Variants in TMEM63A observed in about 807,000 individuals in gnomAD.
TMEM63A encodes mechanosensitive cation channel TMEM63A.
A neutral mutation model predicts 100.6 loss-of-function variants in TMEM63A; 76 were observed. That is an observed-to-expected ratio of 0.76 (90% CI 0.63 to 0.91). TMEM63A has a LOEUF of 0.91. Among genes scored for constraint, TMEM63A ranks in the 40% least tolerant of loss-of-function variants. The probability of loss-of-function intolerance (pLI) is 0.00; values close to 1 mark genes in which losing one functional copy is unlikely to be tolerated. For missense variants in TMEM63A, 876 were observed against 1,008.8 expected, an observed-to-expected ratio of 0.87 and a Z score of 1.78; for synonymous variants, 401 against 401.1, an observed-to-expected ratio of 1.00 and a Z score of 0.00.
intron 15 of TMEM63A, 145 bp downstream of exon 15, chr1:225,859,051 T>C: frequency 8.4e-7 from 1 of 1,190,124 alleles, no homozygotes; most frequent in Non-Finnish European, 1.2e-6. Flanking sequence ...GCTCAGGGCT[T>C]AAAAGCAAGG....
At chr1:225,856,542 T>G in intron 17 of TMEM63A, 110 bp downstream of exon 17, 3 of 1,068,232 alleles carry the variant, frequency 2.8e-6, no homozygotes, top group Non-Finnish European at 2.8e-6. Context: ...CAGGCTTAGA[T>G]ATTGTTAGAG....
intron 6 of TMEM63A, among the ~76,000 whole-genome samples, chr1:225,870,449 C>G (rs936351673): frequency 1.1e-4 from 17 of 152,146 alleles, no homozygotes; most frequent in East Asian, 9.7e-4. Flanking sequence ...TCCCCGCCCC[C>G]CCCCGCCTCC....
At chr1:225,861,253 A>G (rs1434191418) in intron 13 of TMEM63A, 2 of 325,754 alleles carry the variant, frequency 6.1e-6, no homozygotes, top group Non-Finnish European at 1.1e-5. Context: ...TGAGGGCAAC[A>G]CACTGCTCTT....
intron 15 of TMEM63A, among the ~76,000 whole-genome samples, chr1:225,858,286 G>T (rs1170370083): frequency 6.7e-6 from 1 of 148,632 alleles, no homozygotes; most frequent in Non-Finnish European, 1.5e-5. Flanking sequence ...TAAGATTTTT[G>T]AAAATCGTTC....
In TMEM63A at chr1:225,876,528, T is replaced by C. The variant is rs565409350; in HGVS notation, c.186+867A>G. Among the ~76,000 whole-genome samples the C allele has an allele frequency of 5.9e-5, 9 of 152,228 alleles. 1 individual carries two copies. Among genetic ancestry groups the C allele is most frequent in the African/African-American group, 1.2e-4 (5 of 41,464 alleles). ...CCCAATAAATCTCAGCCAGCCAACG[T>C]TGAGTCTGCATAAGGAAGAACAATG... is the stretch of plus-strand genomic sequence containing the variant. On this transcript the variant is annotated intron_variant, in intron 3 of 24. Transcript: ENST00000366835.
rs1057124254 is a variant in TMEM63A, at chr1:225,862,253, G to A, written c.1050C>T (p.Ala350=). 5.0e-6 allele frequency: 8 copies of A among 1,614,164 alleles called. No homozygotes were observed. Among genetic ancestry groups the A allele is most frequent in the Non-Finnish European group, 5.9e-6 (7 of 1,180,028 alleles). Residue 350 remains alanine (A), a synonymous_variant, in exon 13 of 25, where the codon GCC becomes GCT. Coordinates refer to ENST00000366835, the MANE Select transcript of TMEM63A (RefSeq NM_014698.3). The surrounding 1 kb of genome is among the most constrained non-coding windows in gnomAD (Gnocchi z 5.1). The part of the protein sequence containing the change: ...RHVQDQPLGM[A]FVTFQEKSMA... The stretch of plus-strand genomic sequence containing the variant: ...TGGACTTCTCCTGGAAGGTGACGAA[G>A]GCCATTCCCAGGGGCTGGTCCTGGA...
Position 225,865,876 on chromosome 1 carries a change from C to A in TMEM63A, c.746+21G>T. On this transcript the variant is annotated intron_variant, in intron 10 of 24. Coordinates refer to ENST00000366835, the MANE Select transcript of TMEM63A (RefSeq NM_014698.3). The surrounding 1 kb of genome is among the most constrained non-coding windows in gnomAD (Gnocchi z 4.6). The stretch of plus-strand genomic sequence containing the variant: ...TCCTACGTGGAGGGGGCTCAGCTCC[C>A]CTCCCACCCCACCTGCTTACCGGAA... The A allele has an allele frequency of 6.2e-7, 1 of 1,613,106 alleles. No individual in the cohort carries two copies. Among genetic ancestry groups the A allele is most frequent in the South Asian group, 1.1e-5 (1 of 90,950 alleles).
Position 225,859,678 on chromosome 1 carries a change from CTCAG to C in TMEM63A, c.1224-333_1224-330del, listed in dbSNP as rs1295045851. 13 of 295,958 alleles carry C rather than the reference CTCAG, an allele frequency of 4.4e-5. 1 individual carries two copies. The East Asian group carries it at 1.1e-3, about 25-fold the overall frequency. 18.3% of individuals were successfully genotyped at this position (295,958 alleles called of 1,614,324 possible). ...TTTTTTTTTTGGAGACAGAGTCTTG[CTCAG>C]TCACCCAGGCTAGAGTGCAGTGGTG... On this transcript the variant is annotated intron_variant, in intron 14 of 24. Coordinates refer to ENST00000366835, the MANE Select transcript of TMEM63A (RefSeq NM_014698.3).
At position 225,853,910 on chromosome 1, in the gene TMEM63A, T is replaced by G; in HGVS notation, c.1635-119A>C. On this transcript the variant is annotated intron_variant, in intron 18 of 24. Transcript: ENST00000366835. This position sits in a 1 kb window ranked among gnomAD's most constrained non-coding sequence, Gnocchi z 4.0. ...GAGGGCTGTATACTCTTCCGTTCATTCAGCACATATTTGGGAAACACATCT... is the reference window on the plus strand; with the variant it reads ...GAGGGCTGTATACTCTTCCGTTCATGCAGCACATATTTGGGAAACACATCT... 1.0e-6 allele frequency: 1 copy of G among 1,003,778 alleles called. No individual in the cohort carries two copies. The highest frequency in any genetic ancestry group is 1.9e-5 in the South Asian group (1 of 53,256). 62.2% of individuals were successfully genotyped at this position (1,003,778 alleles called of 1,614,324 possible).
chr1:225,856,900 C>T lies in TMEM63A; in HGVS notation c.1484+11G>A, dbSNP rs773857613. On this transcript the variant is annotated intron_variant, in intron 16 of 24. Transcript: ENST00000366835. ...CTTAGGGGCAGGGCCTCGGGGCTCC[C>T]GGGCACTCACTTGGTCCAGTGAGAC... 3.1e-6 allele frequency: 5 copies of T among 1,608,890 alleles called. No individual in the cohort carries two copies. Among genetic ancestry groups the T allele is most frequent in the South Asian group, 2.2e-5 (2 of 90,402 alleles).
intron 10 of TMEM63A, chr1:225,863,244 G>A (rs1040608701): frequency 2.1e-5 from 5 of 235,378 alleles, no homozygotes; most frequent in South Asian, 5.6e-5. Context: ...ACGGGGTCTC[G>A]CTATGTTGCC....
chr1:225,872,536 A>C (rs1286936451), intron 4 of TMEM63A, among the ~76,000 whole-genome samples: 2 of 152,210 alleles, frequency 1.3e-5, no homozygotes, highest in Non-Finnish European at 2.9e-5. Context: ...AGAGATGAGA[A>C]AATGTCAAAA....
In TMEM63A at chr1:225,878,523, C is replaced by T. The variant is rs187956824; in HGVS notation, c.-15+697G>A. Among the ~76,000 whole-genome samples, 4 of 152,266 alleles carry T rather than the reference C, an allele frequency of 2.6e-5. No homozygotes were observed. The East Asian group carries it at 7.7e-4, about 29-fold the overall frequency. On this transcript the variant is annotated intron_variant, in intron 2 of 24. Coordinates refer to ENST00000366835, the MANE Select transcript of TMEM63A (RefSeq NM_014698.3). ...CCTTTCCTTCCTGAGGCTCCTGGCG[C>T]CCCTGGTGAAGCTAATAGAAATCTC...
intron 23 of TMEM63A, chr1:225,848,240 A>G (rs1419794647): frequency 4.1e-5 from 22 of 534,262 alleles, no homozygotes; most frequent in Non-Finnish European, 5.3e-5. Context: ...AAGGAAAGAG[A>G]GCAGGGAACT....
intron 17 of TMEM63A, 25 bp from the exon 18 acceptor site, chr1:225,855,965 G>A (rs1669591681): frequency 1.2e-6 from 2 of 1,611,436 alleles, no homozygotes; most frequent in East Asian, 4.5e-5. Flanking sequence ...AACCCCCTAA[G>A]AGTTTATTTC....
intron 1 of TMEM63A, among the ~76,000 whole-genome samples, chr1:225,881,490 G>C: frequency 6.6e-6 from 1 of 152,194 alleles, no homozygotes; most frequent in East Asian, 1.9e-4. Flanking sequence ...AGAGCCCAAC[G>C]AACAGCTAGG....
chr1:225,862,354 G>T lies in TMEM63A; in HGVS notation c.952-3C>A. ...GTGTAGTAAGAGATGGCGTCTTCCT[G>T]CCACAAGACACATCCCATTGGGATG... On this transcript the variant is annotated splice_region_variant and splice_polypyrimidine_tract_variant and intron_variant, in intron 12 of 24. Transcript: ENST00000366835. The surrounding 1 kb of genome is among the most constrained non-coding windows in gnomAD (Gnocchi z 5.1). 6.2e-7 allele frequency: 1 copy of T among 1,614,178 alleles called. No individual in the cohort carries two copies. The highest frequency in any genetic ancestry group is 8.5e-7 in the Non-Finnish European group (1 of 1,180,028).
At chr1:225,845,402 T>C (rs1668888187), downstream of TMEM63A, 3 of 1,517,016 alleles carry the variant, frequency 2.0e-6, no homozygotes, top group Non-Finnish European at 2.7e-6. Flanking sequence ...TCCAGGCTTT[T>C]CTTGGGGAAG....
downstream of TMEM63A, chr1:225,844,365 C>G (rs1668725878): frequency 7.2e-7 from 1 of 1,394,710 alleles, no homozygotes; most frequent in Non-Finnish European, 1.0e-6. Flanking sequence ...ACGAGGATAC[C>G]ACACACGTTG....
Sources: gnomAD v4.1 joint callset for allele counts (sites outside exome capture counted in the v4.1 genomes callset) on GRCh38, gnomAD v4.1.1 for gene constraint, Gnocchi (gnomAD v3.1) non-coding constraint, MANE v1.5 for transcripts, NCBI Gene and HGNC (gene_info 2026-07-23, HGNC 2026-07-21) for gene names.